The following ELP4 variants were observed in gnomAD, a reference collection of about 807,000 sequenced individuals.
The protein encoded by ELP4 is elongator complex protein 4.
ELP4 carries 51 observed loss-of-function variants against 48.9 expected under a neutral mutation model. That is an observed-to-expected ratio of 1.04 (90% CI 0.83 to 1.32). ELP4 has a LOEUF of 1.32. Among genes scored for constraint, ELP4 ranks in the 40% most tolerant of loss-of-function variants. The probability of loss-of-function intolerance (pLI) is 0.00; values close to 1 mark genes in which losing one functional copy is unlikely to be tolerated. For synonymous variants in ELP4, 210 were observed against 189.2 expected, an observed-to-expected ratio of 1.11 and a Z score of -0.90; for missense variants, 519 against 514.6, an observed-to-expected ratio of 1.01 and a Z score of -0.08.
intron 6 of ELP4, among the ~76,000 whole-genome samples, chr11:31,628,083 A>T (rs145495830): frequency 7.2e-5 from 11 of 152,152 alleles, no homozygotes; most frequent in Non-Finnish European, 1.5e-4. Context: ...TGTGTGTATG[A>T]TAAAGTACAG....
At position 31,509,793 on chromosome 11, in the gene ELP4, A is replaced by T. The variant is rs1005597634; in HGVS notation, c.9A>T (p.Ala3=). The T allele has an allele frequency of 6.2e-7, 1 of 1,613,976 alleles. No homozygotes were observed. Among genetic ancestry groups the T allele is most frequent in the East Asian group, 2.2e-5 (1 of 44,886 alleles). Residue 3 remains alanine, a synonymous_variant, in exon 1 of 10, where the codon GCA becomes GCT. Transcript: ENST00000640961. The part of the protein sequence containing the change: MA[A]VATCGSVAAS... Reference sequence around the variant, plus strand: ...ACACTGGAGGCTCTAAGATGGCGGCAGTGGCAACCTGCGGTAGTGTTGCCG... The same window carrying T: ...ACACTGGAGGCTCTAAGATGGCGGCTGTGGCAACCTGCGGTAGTGTTGCCG...
intron 9 of ELP4, among the ~76,000 whole-genome samples, chr11:31,669,016 G>C (rs998804899): frequency 2.6e-5 from 4 of 151,886 alleles, no homozygotes; most frequent in African/African-American, 9.7e-5. Context: ...TCGACTTGCA[G>C]CTTTACTCTC....
intron 9 of ELP4, among the ~76,000 whole-genome samples, chr11:31,740,373 A>G (rs994871912): frequency 6.6e-6 from 1 of 152,254 alleles, no homozygotes; most frequent in East Asian, 1.9e-4. Context: ...TTTAAACAAC[A>G]TAAGTCTACA....
At position 31,735,111 on chromosome 11, in the gene ELP4, C is replaced by T. The variant is rs77507287; in HGVS notation, c.1144-48282C>T. On this transcript the variant is annotated intron_variant, in intron 9 of 9. Transcript: ENST00000640961. ...GTGCCAAGAATACATAATGAGGAAA[C>T]GGTAGTGTTTTCAACAAATGGTATT... is the stretch of plus-strand genomic sequence containing the variant. Among the ~76,000 whole-genome samples the T allele has an allele frequency of 3.8e-3, 563 of 148,150 alleles. 1 individual carries two copies. Among genetic ancestry groups the T allele is most frequent in the Middle Eastern group, 6.8e-3 (2 of 294 alleles).
At chr11:31,592,774 T>C (rs1957604453) in intron 3 of ELP4, among the ~76,000 whole-genome samples, 1 of 151,984 alleles carries the variant, frequency 6.6e-6, no homozygotes, top group Non-Finnish European at 1.5e-5. Context: ...ATTTAATAAC[T>C]TAAATGAGGA....
chr11:31,650,451 T>C (rs796972036), intron 9 of ELP4: 40 of 355,916 alleles, frequency 1.1e-4, no homozygotes, highest in African/African-American at 7.8e-4. Context: ...TTTGAATATC[T>C]ATTAAAAGTA....
In ELP4 at chr11:31,788,584, C is replaced by T. The variant is rs1948861730; in HGVS notation, c.*5060C>T. ...AAATAGGCTGACAATGGAAATCTGC[C>T]CAGATTGAAAATGCCAGTCCTAATT... On this transcript the variant is annotated 3_prime_UTR_variant, in exon 10 of 10. Coordinates refer to ENST00000640961, the MANE Select transcript of ELP4 (RefSeq NM_019040.5). 1 of 222,158 alleles carries T rather than the reference C, an allele frequency of 4.5e-6. No individual in the cohort carries two copies. The highest frequency in any genetic ancestry group is 1.8e-4 in the South Asian group (1 of 5,418). 13.8% of individuals were successfully genotyped at this position (222,158 alleles called of 1,614,324 possible). A position where few individuals can be genotyped will look rare whatever the true frequency, so the allele number is the denominator to read the frequency against.
intron 3 of ELP4, among the ~76,000 whole-genome samples, chr11:31,587,605 G>C (rs1957498222): frequency 6.6e-6 from 1 of 151,952 alleles, no homozygotes; most frequent in African/African-American, 2.4e-5. Flanking sequence ...TAGTTCTTTA[G>C]TTCTTTCCAT....
chr11:31,729,624 T>G (rs1259608062), intron 9 of ELP4, among the ~76,000 whole-genome samples: 2 of 152,238 alleles, frequency 1.3e-5, no homozygotes, highest in Non-Finnish European at 2.9e-5. Context: ...TATGCATAAA[T>G]GCTTCAGCTG....
intron 9 of ELP4, among the ~76,000 whole-genome samples, chr11:31,705,222 C>T (rs1469035424): frequency 6.6e-6 from 1 of 152,090 alleles, no homozygotes; most frequent in Non-Finnish European, 1.5e-5. Flanking sequence ...CCTGCTGCAT[C>T]ATAATATGGC....
chr11:31,603,743 A>G lies in ELP4; in HGVS notation c.514-25A>G, dbSNP rs778994498. ...ATAGCTTAAAAATAATTGTTTAACA[A>G]CCACTATGGGGTTTATTTTAGCAGA... On this transcript the variant is annotated intron_variant, in intron 4 of 9. Transcript: ENST00000640961. 4.4e-6 allele frequency: 7 copies of G among 1,582,320 alleles called. No individual in the cohort carries two copies. The African/African-American group carries it at 8.2e-5, about 18-fold the overall frequency.
chr11:31,768,747 G>A (rs1490567970), intron 9 of ELP4, among the ~76,000 whole-genome samples: 1 of 152,180 alleles, frequency 6.6e-6, no homozygotes, highest in African/African-American at 2.4e-5. Context: ...AACCATTAAA[G>A]TGTGCCTATC....
intron 9 of ELP4, among the ~76,000 whole-genome samples, chr11:31,777,121 CT>C (rs1948265016): frequency 6.6e-6 from 1 of 151,730 alleles, no homozygotes; most frequent in African/African-American, 2.4e-5. Flanking sequence ...TTAGGGAGTA[CT>C]ACAAATATAA....
chr11:31,562,326 G>T (rs1270460111), intron 3 of ELP4, among the ~76,000 whole-genome samples: 1 of 152,062 alleles, frequency 6.6e-6, no homozygotes, highest in Non-Finnish European at 1.5e-5. Flanking sequence ...ACATAATACA[G>T]ATTTCCATTT....
intron 9 of ELP4, chr11:31,707,251 A>G (rs1946653518): frequency 2.8e-6 from 1 of 357,474 alleles, no homozygotes; most frequent in Non-Finnish European, 5.0e-6. Flanking sequence ...ATGTAAGTAT[A>G]TATATGAAAT....
intron 3 of ELP4, among the ~76,000 whole-genome samples, chr11:31,566,343 G>A (rs987735662): frequency 6.6e-6 from 1 of 151,714 alleles, no homozygotes; most frequent in Admixed American, 6.6e-5. Flanking sequence ...GGGCGTCAGA[G>A]CGAGACTGCA....
At chr11:31,685,994 T>C (rs1946152843) in intron 9 of ELP4, among the ~76,000 whole-genome samples, 1 of 152,010 alleles carries the variant, frequency 6.6e-6, no homozygotes, top group South Asian at 2.1e-4. Flanking sequence ...AATACGTTTA[T>C]GTATAAAAGT....
intron 9 of ELP4, among the ~76,000 whole-genome samples, chr11:31,779,152 G>A (rs569929909): frequency 3.9e-5 from 6 of 152,272 alleles, no homozygotes; most frequent in Non-Finnish European, 7.4e-5. Flanking sequence ...TTTTTAAAAG[G>A]TTTAAAATAA....
intron 5 of ELP4, among the ~76,000 whole-genome samples, chr11:31,626,457 T>G (rs1057510395): frequency 1.3e-5 from 2 of 151,838 alleles, no homozygotes; most frequent in Admixed American, 6.6e-5. Context: ...TTACTGAAGA[T>G]TCTTTGGGAT....
Sources: allele counts gnomAD v4.1 joint callset (sites outside exome capture counted in the v4.1 genomes callset), GRCh38; gene constraint gnomAD v4.1.1; transcripts MANE v1.5; gene names NCBI Gene and HGNC (gene_info 2026-07-23, HGNC 2026-07-21).